Variants in NELL2 observed in about 807,000 individuals in gnomAD.
NELL2 encodes neural EGFL like 2.
A neutral mutation model predicts 109.6 loss-of-function variants in NELL2; 41 were observed. The ratio of observed to expected loss-of-function variants is 0.37; its 90% CI spans 0.29 to 0.49. The LOEUF (loss-of-function observed/expected upper bound fraction) is 0.49. Among genes scored for constraint, NELL2 ranks in the 20% least tolerant of loss-of-function variants. The probability of loss-of-function intolerance (pLI) is 0.98; values close to 1 mark genes in which losing one functional copy is unlikely to be tolerated. For synonymous variants in NELL2, 355 were observed against 344.7 expected, an observed-to-expected ratio of 1.03 and a Z score of -0.33; for missense variants, 900 against 1,008.3, an observed-to-expected ratio of 0.89 and a Z score of 1.45.
chr12:44,703,519 A>G (rs943447265), intron 12 of NELL2, among the ~76,000 whole-genome samples: 11 of 152,240 alleles, frequency 7.2e-5, no homozygotes, highest in African/African-American at 2.2e-4. Context: ...GAAACCAGCC[A>G]TATCAACTTA....
intron 15 of NELL2, among the ~76,000 whole-genome samples, chr12:44,586,206 T>C (rs575260435): frequency 1.3e-5 from 2 of 148,466 alleles, no homozygotes; most frequent in African/African-American, 2.4e-5. Context: ...CATATATTTA[T>C]ATATATAATC....
At chr12:44,532,832 G>T in intron 15 of NELL2, 111 bp from the exon 16 acceptor site, 1 of 945,136 alleles carries the variant, frequency 1.1e-6, no homozygotes, top group East Asian at 2.7e-5. Flanking sequence ...CTTGAAACTG[G>T]GAAAATATAA....
chr12:44,747,670 T>C (rs978625196), intron 9 of NELL2, among the ~76,000 whole-genome samples: 2 of 152,056 alleles, frequency 1.3e-5, no homozygotes, highest in Non-Finnish European at 2.9e-5. Flanking sequence ...AAGTAGATTA[T>C]CATAAAGGTC....
intron 9 of NELL2, among the ~76,000 whole-genome samples, chr12:44,747,583 C>A (rs1940443576): frequency 6.6e-6 from 1 of 152,010 alleles, no homozygotes; most frequent in African/African-American, 2.4e-5. Flanking sequence ...TGGCAGGAAT[C>A]CAAATTTATA....
chr12:44,549,621 T>C (rs1942945618), intron 15 of NELL2, among the ~76,000 whole-genome samples: 1 of 152,176 alleles, frequency 6.6e-6, no homozygotes, highest in Admixed American at 6.6e-5. Context: ...TATACACTAA[T>C]GGCGAACTAT....
At chr12:44,877,766 CTT>C (rs200894096), upstream of NELL2, among the ~76,000 whole-genome samples, 2,699 of 152,216 alleles carry the variant, frequency 0.018, 83 homozygotes, top group African/African-American at 0.061. Flanking sequence ...TTAATTCTCT[CTT>C]ATCGAATTTC....
chr12:44,578,053 C>T (rs1207764789), intron 15 of NELL2, among the ~76,000 whole-genome samples: 3 of 152,238 alleles, frequency 2.0e-5, no homozygotes, highest in Admixed American at 6.5e-5. Flanking sequence ...TCTTTGAATA[C>T]TCTGTAGTAC....
intron 15 of NELL2, among the ~76,000 whole-genome samples, chr12:44,544,241 T>G (rs1016581701): frequency 3.6e-4 from 55 of 152,150 alleles, no homozygotes; most frequent in African/African-American, 1.3e-3. Flanking sequence ...CAGGTGATGG[T>G]ATAACAGAGA....
chr12:44,548,559 A>C (rs1265807408), intron 15 of NELL2, among the ~76,000 whole-genome samples: 1 of 149,186 alleles, frequency 6.7e-6, no homozygotes, highest in Non-Finnish European at 1.5e-5. Flanking sequence ...AAAAAAAAAC[A>C]AAAGAAAAAA....
intron 19 of NELL2, among the ~76,000 whole-genome samples, chr12:44,515,907 CA>C (rs1379020726): frequency 6.6e-6 from 1 of 151,756 alleles, no homozygotes; most frequent in African/African-American, 2.4e-5. Context: ...ATTGATATTT[CA>C]ATATGTTTTA....
chr12:44,665,658 A>T, intron 12 of NELL2, 49 bp from the exon 13 acceptor site: 1 of 1,541,396 alleles, frequency 6.5e-7, no homozygotes, highest in Non-Finnish European at 8.8e-7. Flanking sequence ...AATATTCTGG[A>T]GCTCCTATAT....
chr12:44,532,601 G>A lies in NELL2; in HGVS notation c.1784C>T (p.Pro595Leu), dbSNP rs142002345. ...CTGACCTTCACACGATTCTCCACTT[G>A]GTGAAAACATCCCATTGTCATGGTA... Reference protein sequence around the residue: ...DGYHDNGMFSPSGESCEDIDE... With the variant: ...DGYHDNGMFSLSGESCEDIDE... Residue 595 changes from proline (P) to leucine (L), a missense_variant, in exon 16 of 20, where the codon CCA (proline) becomes CTA (leucine). By Grantham distance (98) the Pro-to-Leu change is moderately conservative. Coordinates refer to ENST00000429094, the MANE Select transcript of NELL2 (RefSeq NM_001145108.2). 151 of 1,613,184 alleles carry A rather than the reference G, an allele frequency of 9.4e-5. No homozygotes were observed. Among genetic ancestry groups the A allele is most frequent in the Non-Finnish European group, 9.7e-5 (115 of 1,179,580 alleles).
intron 14 of NELL2, 59 bp from the exon 15 acceptor site, chr12:44,607,323 C>T (rs1794187409): frequency 1.5e-6 from 2 of 1,351,078 alleles, no homozygotes; most frequent in Admixed American, 2.0e-5. Context: ...TAATAAACTC[C>T]AAACCTAGCT....
rs118188864 is a variant in NELL2 at position 44,822,437 on chromosome 12, T to C, written c.185-6301A>G. ...GATATACAAGTTTTGGCCATCAAAT[T>C]CTTCTTAACATACAATCCTGCCTAC... On this transcript the variant is annotated intron_variant, in intron 2 of 19. Transcript: ENST00000429094. Among the ~76,000 whole-genome samples the C allele has an allele frequency of 1.8e-4, 27 of 152,234 alleles. No individual in the cohort carries two copies. The East Asian group carries it at 4.4e-3, about 25-fold the overall frequency.
intron 1 of NELL2, among the ~76,000 whole-genome samples, chr12:44,889,549 T>A (rs1945510252): frequency 6.6e-6 from 1 of 152,020 alleles, no homozygotes; most frequent in African/African-American, 2.4e-5. Flanking sequence ...TGGTCCTGTT[T>A]AAGGTTTTCT....
intron 9 of NELL2, among the ~76,000 whole-genome samples, chr12:44,765,464 G>A (rs1292671738): frequency 6.6e-6 from 1 of 152,058 alleles, no homozygotes; most frequent in Non-Finnish European, 1.5e-5. Flanking sequence ...AAATTCCAGA[G>A]ACCATGTAGC....
intron 9 of NELL2, among the ~76,000 whole-genome samples, chr12:44,752,194 A>T (rs1940682187): frequency 6.6e-6 from 1 of 152,248 alleles, no homozygotes; most frequent in Non-Finnish European, 1.5e-5. Context: ...TAAAGTTAGC[A>T]GAGGAGTTAC....
intron 16 of NELL2, among the ~76,000 whole-genome samples, chr12:44,524,800 T>C (rs1399216846): frequency 4.6e-5 from 7 of 152,188 alleles, no homozygotes; most frequent in Non-Finnish European, 1.0e-4. Flanking sequence ...TATTACTTAT[T>C]ATCGTAGACT....
At chr12:44,719,758 G>A (rs1938671450) in intron 9 of NELL2, among the ~76,000 whole-genome samples, 1 of 152,014 alleles carries the variant, frequency 6.6e-6, no homozygotes. Flanking sequence ...GATTCCCTTT[G>A]GGAGACTTCT....
Sources: allele counts gnomAD v4.1 joint callset (sites outside exome capture counted in the v4.1 genomes callset), GRCh38; gene constraint gnomAD v4.1.1; transcripts MANE v1.5; gene names NCBI Gene and HGNC (gene_info 2026-07-23, HGNC 2026-07-21).